Variants in DNAL1 observed in about 807,000 individuals in gnomAD.
DNAL1 encodes dynein axonemal light chain 1.
In DNAL1, 17 loss-of-function variants were observed where a neutral mutation model predicts 29.4. That is an observed-to-expected ratio of 0.58 (90% CI 0.40 to 0.87). DNAL1 has a LOEUF of 0.87. Among genes scored for constraint, DNAL1 ranks in the 40% least tolerant of loss-of-function variants. DNAL1 has a pLI of 0.00. For missense variants in DNAL1, 188 were observed against 214.1 expected (o/e 0.88, Z 0.76); for synonymous variants, 78 against 76.3 (o/e 1.02, Z -0.12).
chr14:73,661,884 A>G, intron 3 of DNAL1, 103 bp from the exon 4 acceptor site: 1 of 687,824 alleles, frequency 1.5e-6, no homozygotes, highest in Non-Finnish European at 2.4e-6. Flanking sequence ...AGTGGGGAAA[A>G]TATTACTTAA....
chr14:73,651,621 G>C (rs62004911), intron 1 of DNAL1, among the ~76,000 whole-genome samples: 20,212 of 151,992 alleles, frequency 0.13, 2,571 homozygotes, highest in East Asian at 0.67. Context: ...GCCTTGTCTG[G>C]GTTTTAAACC....
rs1264532568 is a variant in DNAL1 at position 73,703,374 on chromosome 14, C to T, written c.*7432C>T. The T allele has an allele frequency of 6.6e-6, 1 of 152,194 alleles. No individual in the cohort carries two copies. Among genetic ancestry groups the T allele is most frequent in the Non-Finnish European group, 1.5e-5 (1 of 68,020 alleles). 9.4% of individuals were successfully genotyped at this position (152,194 alleles called of 1,614,324 possible). Reference sequence around the variant, plus strand: ...CTGAGCCCAAGCTAAGCCATCGCATCCCCTGTGACTTGCACGTATACATCC... The same window carrying T: ...CTGAGCCCAAGCTAAGCCATCGCATTCCCTGTGACTTGCACGTATACATCC... On this transcript the variant is annotated 3_prime_UTR_variant, in exon 8 of 8. Transcript: ENST00000553645.
intron 5 of DNAL1, among the ~76,000 whole-genome samples, chr14:73,673,864 A>G (rs75901759): frequency 6.9e-6 from 1 of 144,698 alleles, no homozygotes; most frequent in Admixed American, 7.4e-5. Flanking sequence ...TGCCATAGCA[A>G]TGCAGTCTGG....
In DNAL1 at chr14:73,683,034, G is replaced by A. The variant is rs547855429; in HGVS notation, c.265-4225G>A. ...TGGGATTAGAGGCGTGCATCACCAC[G>A]CCCAGCTAATGTTGTATTTTTAGTA... On this transcript the variant is annotated intron_variant, in intron 5 of 7. Coordinates refer to ENST00000553645, the MANE Select transcript of DNAL1 (RefSeq NM_031427.4). Among the ~76,000 whole-genome samples the A allele has an allele frequency of 5.9e-5, 9 of 151,960 alleles. No individual in the cohort carries two copies. In the South Asian group the frequency reaches 8.3e-4, roughly 14 times the overall value.
chr14:73,674,532 G>A (rs1361379564), intron 5 of DNAL1, among the ~76,000 whole-genome samples: 1 of 151,942 alleles, frequency 6.6e-6, no homozygotes, highest in African/African-American at 2.4e-5. Flanking sequence ...ATCTAAAGCA[G>A]CTCTCTAAGC....
chr14:73,681,757 T>C (rs1339140613), intron 5 of DNAL1, among the ~76,000 whole-genome samples: 2 of 149,762 alleles, frequency 1.3e-5, no homozygotes, highest in African/African-American at 2.5e-5. Flanking sequence ...ATCACACCAC[T>C]GCACTCCAGC....
intron 6 of DNAL1, among the ~76,000 whole-genome samples, chr14:73,688,767 C>G (rs1327088793): frequency 6.6e-6 from 1 of 152,162 alleles, no homozygotes; most frequent in East Asian, 1.9e-4. Flanking sequence ...TGAAGAAGAC[C>G]TGTCACTGGA....
chr14:73,670,437 T>C (rs2140041458), intron 4 of DNAL1, among the ~76,000 whole-genome samples: 1 of 152,326 alleles, frequency 6.6e-6, no homozygotes, highest in Admixed American at 6.5e-5. Context: ...GAAAATTAAA[T>C]ATAGTAATAA....
chr14:73,701,613 T>G lies in DNAL1; in HGVS notation c.*5671T>G, dbSNP rs922844789. ...TTGCCTCTGTGATCAGTAGGGTACC[T>G]GCCTCTGAGGTGCTACTGCCTGGAG... On this transcript the variant is annotated 3_prime_UTR_variant, in exon 8 of 8. Coordinates refer to ENST00000553645, the MANE Select transcript of DNAL1 (RefSeq NM_031427.4). The G allele has an allele frequency of 6.6e-6, 1 of 152,230 alleles. No homozygotes were observed. The highest frequency in any genetic ancestry group is 2.4e-5 in the African/African-American group (1 of 41,462). 9.4% of individuals were successfully genotyped at this position (152,230 alleles called of 1,614,324 possible). A position where few individuals can be genotyped will look rare whatever the true frequency, so the allele number is the denominator to read the frequency against.
At chr14:73,651,678 CAA>C (rs1458481200) in intron 1 of DNAL1, among the ~76,000 whole-genome samples, 3 of 152,062 alleles carry the variant, frequency 2.0e-5, no homozygotes, top group Non-Finnish European at 4.4e-5. Flanking sequence ...ATTTTGGAGA[CAA>C]GAGTCTTGCT....
At position 73,701,844 on chromosome 14, in the gene DNAL1, T is replaced by G. The variant is rs1447050668; in HGVS notation, c.*5902T>G. 1 of 152,210 alleles carries G rather than the reference T, an allele frequency of 6.6e-6. No homozygotes were observed. The allele number at this position is 152,210 out of a possible 1,614,324, so 9.4% of individuals were successfully genotyped here. ...ACACAGGAGTTTTGTAGCATGACTTTATGACTAAACTTATTGTGAATTAAG... is the reference window on the plus strand; with the variant it reads ...ACACAGGAGTTTTGTAGCATGACTTGATGACTAAACTTATTGTGAATTAAG... On this transcript the variant is annotated 3_prime_UTR_variant, in exon 8 of 8. Coordinates refer to ENST00000553645, the MANE Select transcript of DNAL1 (RefSeq NM_031427.4).
chr14:73,688,190 T>C (rs1281664955), intron 6 of DNAL1, among the ~76,000 whole-genome samples: 1 of 152,218 alleles, frequency 6.6e-6, no homozygotes, highest in Non-Finnish European at 1.5e-5. Flanking sequence ...ATATAATTCA[T>C]TCAGTTATAT....
intron 5 of DNAL1, among the ~76,000 whole-genome samples, chr14:73,682,337 A>ATTTTTTTAT (rs1891907966): frequency 1.1e-5 from 1 of 93,416 alleles, no homozygotes; most frequent in Non-Finnish European, 2.0e-5. Context: ...TGCCTGGCTA[A>ATTTTTTTAT]TTTTTTTTTT....
At chr14:73,668,643 G>A (rs73295392) in intron 4 of DNAL1, among the ~76,000 whole-genome samples, 4,255 of 151,834 alleles carry the variant, frequency 0.028, 167 homozygotes, top group African/African-American at 0.095. Context: ...TTCTGAGGCC[G>A]CTCTGCTTGG....
At chr14:73,676,695 T>C (rs1891740240) in intron 5 of DNAL1, among the ~76,000 whole-genome samples, 1 of 149,370 alleles carries the variant, frequency 6.7e-6, no homozygotes, top group African/African-American at 2.4e-5. Context: ...GTGTGGGTTT[T>C]CTCTCTCTCT....
intron 5 of DNAL1, among the ~76,000 whole-genome samples, chr14:73,678,671 A>G (rs1422266196): frequency 6.6e-6 from 1 of 152,090 alleles, no homozygotes. Context: ...CCTATTCTAT[A>G]TTTAGGAGTT....
At chr14:73,686,673 AC>A (rs1438409085) in intron 5 of DNAL1, among the ~76,000 whole-genome samples, 1 of 152,184 alleles carries the variant, frequency 6.6e-6, no homozygotes, top group East Asian at 1.9e-4. Flanking sequence ...GTGACACTGC[AC>A]CCCAGTCTGG....
At chr14:73,652,990 T>TTG (rs1250145470) in intron 1 of DNAL1, among the ~76,000 whole-genome samples, 1 of 152,180 alleles carries the variant, frequency 6.6e-6, no homozygotes, top group Admixed American at 6.6e-5. Flanking sequence ...GAAGAGACTT[T>TTG]ATTTCAATGA....
chr14:73,649,113 T>C (rs1380126344), intron 1 of DNAL1, among the ~76,000 whole-genome samples: 3 of 151,836 alleles, frequency 2.0e-5, no homozygotes, highest in Admixed American at 6.6e-5. Context: ...TAGCTGGAAT[T>C]ACAGGCACCC....
Sources: allele counts gnomAD v4.1 joint callset (sites outside exome capture counted in the v4.1 genomes callset), GRCh38; gene constraint gnomAD v4.1.1; transcripts MANE v1.5; gene names NCBI Gene and HGNC (gene_info 2026-07-23, HGNC 2026-07-21).